CTNNA1: variants seen among roughly 807,000 people sequenced by gnomAD.
CTNNA1 encodes the protein catenin alpha-1.
A neutral mutation model predicts 98.4 loss-of-function variants in CTNNA1; 37 were observed. The observed-to-expected ratio is 0.38, with a 90% CI of 0.29 to 0.49. The LOEUF is 0.49. Among genes scored for constraint, CTNNA1 ranks in the 20% least tolerant of loss-of-function variants. CTNNA1 has a pLI of 0.95. For missense variants in CTNNA1, 761 were observed against 1,147.2 expected (o/e 0.66, Z 4.86); for synonymous variants, 404 against 413.2 (o/e 0.98, Z 0.27).
intron 3 of CTNNA1, among the ~76,000 whole-genome samples, chr5:138,792,199 T>C (rs1236788094): frequency 3.3e-5 from 5 of 152,156 alleles, no homozygotes; most frequent in African/African-American, 1.2e-4. Flanking sequence ...TGTACACACA[T>C]GTATGTGTAT....
Position 138,930,948 on chromosome 5 carries a change from C to T in CTNNA1, c.2298+13C>T, listed in dbSNP as rs1765167341. On this transcript the variant is annotated intron_variant, in intron 16 of 17. Coordinates refer to ENST00000302763, the MANE Select transcript of CTNNA1 (RefSeq NM_001903.5). ...CATTGCAGACCATGTAAGTGACAGA[C>T]TTGCCAGGTGGGTCTCCAAGCTCCT... 2 of 1,585,540 alleles carry T rather than the reference C, an allele frequency of 1.3e-6. No individual in the cohort carries two copies. Among genetic ancestry groups the T allele is most frequent in the Non-Finnish European group, 1.7e-6 (2 of 1,153,886 alleles).
intron 1 of CTNNA1, 40 bp from the exon 2 acceptor site, chr5:138,781,883 G>C: frequency 6.5e-7 from 1 of 1,537,086 alleles, no homozygotes. Context: ...TCATGTTTGT[G>C]TTTGATGTTT....
At chr5:138,915,894 C>A (rs1761621996) in intron 10 of CTNNA1, among the ~76,000 whole-genome samples, 1 of 152,010 alleles carries the variant, frequency 6.6e-6, no homozygotes, top group Non-Finnish European at 1.5e-5. Context: ...ACTAAAAATA[C>A]AAAAATTAGC....
At chr5:138,807,081 G>T (rs944706321) in intron 3 of CTNNA1, among the ~76,000 whole-genome samples, 1 of 150,588 alleles carries the variant, frequency 6.6e-6, no homozygotes, top group African/African-American at 2.4e-5. Context: ...CGCAATCTCG[G>T]CTCACTGTAA....
In CTNNA1 at chr5:138,848,867, GTA is replaced by G. The variant is rs1762951126; in HGVS notation, c.1062+21151_1062+21152del. On this transcript the variant is annotated intron_variant, in intron 7 of 17. Transcript: ENST00000302763. ...GCCTCCTGAGTAGCTGGGATTACAG[GTA>G]TGCACCATCATACCCAGCTAATTTT... Among the ~76,000 whole-genome samples, 14 of 152,118 alleles carry G rather than the reference GTA, an allele frequency of 9.2e-5. 1 individual carries two copies. The highest frequency in any genetic ancestry group is 8.5e-4 in the Admixed American group (13 of 15,272).
intron 1 of CTNNA1, among the ~76,000 whole-genome samples, chr5:138,778,735 T>C (rs962958890): frequency 1.3e-5 from 2 of 152,242 alleles, no homozygotes; most frequent in Non-Finnish European, 2.9e-5. Context: ...TGTTTCCTAT[T>C]GTTTGGAAGA....
chr5:138,803,002 A>G (rs369122350), intron 3 of CTNNA1, among the ~76,000 whole-genome samples: 7 of 151,898 alleles, frequency 4.6e-5, no homozygotes, highest in Non-Finnish European at 8.8e-5. Context: ...GGTTCTCACT[A>G]TGTTGCCCAA....
At chr5:138,756,772 G>A (rs554878355) in intron 1 of CTNNA1, among the ~76,000 whole-genome samples, 4 of 152,264 alleles carry the variant, frequency 2.6e-5, no homozygotes, top group African/African-American at 7.2e-5. Context: ...TCCTTTTTAA[G>A]ACTCCTGCTA....
chr5:138,894,284 T>TC lies in CTNNA1; in HGVS notation c.1296+6642_1296+6643insC, dbSNP rs70982739. On this transcript the variant is annotated intron_variant, in intron 9 of 17. Transcript: ENST00000302763. The stretch of plus-strand genomic sequence containing the variant: ...TAGAGCCTTTACTTTTCTTTCTCTT[T>TC]TTTTTTTTTTTTTTTGAGACAAGGA... Among the ~76,000 whole-genome samples, 703 of 145,810 alleles carry TC rather than the reference T, an allele frequency of 4.8e-3. 7 individuals are homozygous for TC. The highest frequency in any genetic ancestry group is 0.015 in the African/African-American group (585 of 39,884).
chr5:138,848,819 G>A (rs1762946578), intron 7 of CTNNA1, among the ~76,000 whole-genome samples: 2 of 152,106 alleles, frequency 1.3e-5, no homozygotes, highest in Non-Finnish European at 2.9e-5. Flanking sequence ...CCACTTCCTG[G>A]GTTCAAGTGA....
intron 3 of CTNNA1, among the ~76,000 whole-genome samples, chr5:138,795,109 C>T (rs1363957798): frequency 6.8e-6 from 1 of 147,062 alleles, no homozygotes; most frequent in Non-Finnish European, 1.5e-5. Context: ...AAGGTTGCGC[C>T]ACTGCACACC....
intron 7 of CTNNA1, among the ~76,000 whole-genome samples, chr5:138,881,864 G>A (rs1172683037): frequency 6.6e-6 from 1 of 152,106 alleles, no homozygotes; most frequent in East Asian, 1.9e-4. Flanking sequence ...TTTTTAAACA[G>A]TCCTTAAATG....
intron 7 of CTNNA1, among the ~76,000 whole-genome samples, chr5:138,845,377 G>T (rs941855752): frequency 4.6e-5 from 7 of 152,188 alleles, no homozygotes; most frequent in East Asian, 1.9e-4. Context: ...TTTAATGTGG[G>T]TGGAGGAAGA....
intron 7 of CTNNA1, 142 bp from the exon 8 acceptor site, chr5:138,886,070 C>G (rs1753954989): frequency 6.2e-6 from 5 of 803,216 alleles, no homozygotes; most frequent in Non-Finnish European, 9.4e-6. Context: ...CATAACACCC[C>G]TCTGCTCCCC....
At chr5:138,829,301 T>A (rs1043687592) in intron 7 of CTNNA1, among the ~76,000 whole-genome samples, 5 of 152,240 alleles carry the variant, frequency 3.3e-5, no homozygotes, top group African/African-American at 1.2e-4. Context: ...TGTTGCAGAA[T>A]GGCTCACAAT....
chr5:138,823,455 C>T (rs1479522822), intron 5 of CTNNA1, among the ~76,000 whole-genome samples: 2 of 152,164 alleles, frequency 1.3e-5, no homozygotes, highest in Non-Finnish European at 2.9e-5. Flanking sequence ...ACATACGCCT[C>T]AACTTTATGG....
At chr5:138,817,356 A>G (rs1183719318) in intron 5 of CTNNA1, among the ~76,000 whole-genome samples, 2 of 152,196 alleles carry the variant, frequency 1.3e-5, no homozygotes, top group African/African-American at 2.4e-5. Context: ...CAATTTGACT[A>G]TAATGTGCCT....
chr5:138,788,381 T>C (rs1240568750), intron 3 of CTNNA1, among the ~76,000 whole-genome samples: 1 of 152,156 alleles, frequency 6.6e-6, no homozygotes, highest in East Asian at 1.9e-4. Flanking sequence ...CAGTGCCAAA[T>C]GTAAATGCAT....
At chr5:138,903,898 C>T (rs1758615788) in intron 9 of CTNNA1, among the ~76,000 whole-genome samples, 1 of 152,158 alleles carries the variant, frequency 6.6e-6, no homozygotes, top group South Asian at 2.1e-4. Context: ...CATCTATTCC[C>T]TGTCAAATGA....
Sources: allele counts gnomAD v4.1 joint callset (sites outside exome capture counted in the v4.1 genomes callset), GRCh38; gene constraint gnomAD v4.1.1; transcripts MANE v1.5; gene names NCBI Gene and HGNC (gene_info 2026-07-23, HGNC 2026-07-21).